The following TLR5 variants were observed in gnomAD, a reference collection of about 807,000 sequenced individuals.
TLR5 encodes toll like receptor 5.
For synonymous variants in TLR5, 373 were observed against 384.4 expected, an observed-to-expected ratio of 0.97 and a Z score of 0.35; for missense variants, 944 against 999.8, an observed-to-expected ratio of 0.94 and a Z score of 0.75.
chr1:223,133,115 G>A (rs1191868326), intron 4 of TLR5, among the ~76,000 whole-genome samples: 1 of 152,174 alleles, frequency 6.6e-6, no homozygotes, highest in Non-Finnish European at 1.5e-5. Context: ...TTATGGCTGT[G>A]TTAGAAGACA....
At chr1:223,133,442 A>C (rs1260919367) in intron 4 of TLR5, among the ~76,000 whole-genome samples, 3 of 152,176 alleles carry the variant, frequency 2.0e-5, no homozygotes, top group African/African-American at 4.8e-5. Context: ...GCTGTGGCTG[A>C]AGGACCTGAG....
intron 2 of TLR5, among the ~76,000 whole-genome samples, chr1:223,140,770 C>T (rs563475679): frequency 2.0e-5 from 3 of 152,188 alleles, no homozygotes; most frequent in Admixed American, 2.0e-4. Context: ...AGCTGAACAC[C>T]AGCTGGCTCT....
chr1:223,135,960 T>C (rs985715061), intron 3 of TLR5, among the ~76,000 whole-genome samples: 2 of 152,180 alleles, frequency 1.3e-5, no homozygotes, highest in East Asian at 3.9e-4. Flanking sequence ...TAGGCTCACC[T>C]CCACCTCTGT....
chr1:223,110,366 C>G lies in TLR5; in HGVS notation c.*89G>C. On this transcript the variant is annotated 3_prime_UTR_variant, in exon 6 of 6. Transcript: ENST00000642603. ...AGTAGCAAAAAGAAAAAAAAAACCT[C>G]CAGAGAGGACCCCAAAATGATAACT... 3 of 1,443,064 alleles carry G rather than the reference C, an allele frequency of 2.1e-6. No homozygotes were observed. The highest frequency in any genetic ancestry group is 2.4e-5 in the South Asian group (2 of 83,656). The allele number at this position is 1,443,064 out of a possible 1,614,324, so 89.4% of individuals were successfully genotyped here. A position where few individuals can be genotyped will look rare whatever the true frequency, so the allele number is the denominator to read the frequency against.
At chr1:223,125,630 G>T (rs1162241570) in intron 5 of TLR5, among the ~76,000 whole-genome samples, 1 of 151,756 alleles carries the variant, frequency 6.6e-6, no homozygotes, top group African/African-American at 2.4e-5. Flanking sequence ...GTGGCGGTGG[G>T]GGTTGTGGTG....
chr1:223,121,376 T>C (rs1204662371), intron 5 of TLR5, among the ~76,000 whole-genome samples: 4 of 152,320 alleles, frequency 2.6e-5, no homozygotes, highest in Non-Finnish European at 5.9e-5. Context: ...CAAATATTTG[T>C]TATAAAACAG....
rs553801406 is a variant in TLR5, at chr1:223,112,633, A to T, written c.399T>A (p.Asp133Glu). ...TGAAATAACCATCTTTCAATACAGC[A>T]TCAGAGAGACCACAGAAATACAGTC... Reference protein sequence around the residue: ...ELRLYFCGLSDAVLKDGYFRN... With the variant: ...ELRLYFCGLSEAVLKDGYFRN... Residue 133 changes from aspartate to glutamate, a missense_variant, in exon 6 of 6, where the codon GAT (aspartate) becomes GAA (glutamate). Transcript: ENST00000642603. 6.2e-7 allele frequency: 1 copy of T among 1,614,246 alleles called. No individual in the cohort carries two copies. Among genetic ancestry groups the T allele is most frequent in the East Asian group, 2.2e-5 (1 of 44,894 alleles).
In TLR5 at chr1:223,112,429, A is replaced by G. The variant is rs141971532; in HGVS notation, c.603T>C (p.Phe201=). 8.5e-5 allele frequency: 138 copies of G among 1,614,240 alleles called. No individual in the cohort carries two copies. In the African/African-American group the frequency reaches 1.6e-3, roughly 18 times the overall value. The stretch of plus-strand genomic sequence containing the variant: ...TATACAAGCTATTAGCTGCGAGGCT[A>G]AAAAAGGAGAGCGTTTTCCCTTGTA... ...EPLQGKTLSF[F]SLAANSLYSR... Residue 201 remains phenylalanine (F), a synonymous_variant, in exon 6 of 6, where the codon TTT becomes TTC. Coordinates refer to ENST00000642603, the MANE Select transcript of TLR5 (RefSeq NM_003268.6).
At chr1:223,117,615 T>C (rs1287187979) in intron 5 of TLR5, among the ~76,000 whole-genome samples, 1 of 151,306 alleles carries the variant, frequency 6.6e-6, no homozygotes, top group Non-Finnish European at 1.5e-5. Context: ...AAGAGTATGT[T>C]GAATGAACAA....
Position 223,109,898 on chromosome 1 carries a change from G to C in TLR5, c.*557C>G, listed in dbSNP as rs1656234768. On this transcript the variant is annotated 3_prime_UTR_variant, in exon 6 of 6. Transcript: ENST00000642603. ...AACATGAAGTGCAGTACAGTCACAA[G>C]ACAGGTAGTGACTCATTCATCCCAG... 1 of 164,628 alleles carries C rather than the reference G, an allele frequency of 6.1e-6. No individual in the cohort carries two copies. The allele number at this position is 164,628 out of a possible 1,614,324, so 10.2% of individuals were successfully genotyped here. A position where few individuals can be genotyped will look rare whatever the true frequency, so the allele number is the denominator to read the frequency against.
rs1446840615 is a variant in TLR5, at chr1:223,131,211, C to T, written c.-5+1264G>A. 2.0e-5 allele frequency among the ~76,000 whole-genome samples: 3 copies of T among 152,208 alleles called. No individual in the cohort carries two copies. The highest frequency in any genetic ancestry group is 7.2e-5 in the African/African-American group (3 of 41,456). On this transcript the variant is annotated intron_variant, in intron 5 of 5. Transcript: ENST00000642603. The surrounding 1 kb of genome is among the most constrained non-coding windows in gnomAD (Gnocchi z 4.2). The stretch of plus-strand genomic sequence containing the variant: ...ATATCACTCAAACTCTTCAGGATGA[C>T]CTCAGGGTCCCCACCACAGACTCTA...
intron 5 of TLR5, among the ~76,000 whole-genome samples, chr1:223,118,907 G>A (rs758361067): frequency 2.0e-5 from 3 of 151,554 alleles, no homozygotes; most frequent in African/African-American, 2.4e-5. Flanking sequence ...GGTTTGAGAC[G>A]AGCCTGGCCA....
chr1:223,111,846 G>A lies in TLR5; in HGVS notation c.1186C>T (p.Leu396Phe). The A allele has an allele frequency of 6.2e-7, 1 of 1,613,924 alleles. No individual in the cohort carries two copies. Among genetic ancestry groups the A allele is most frequent in the Non-Finnish European group, 8.5e-7 (1 of 1,179,860 alleles). ...LQTLDLRDNALTTIHFIPSIP... is the reference protein window; with the variant it reads ...LQTLDLRDNAFTTIHFIPSIP... ...CTTGGAATAAAATGAATGGTTGTAA[G>A]AGCATTGTCTCGGAGATCCAAGGTC... Residue 396 changes from leucine (L) to phenylalanine (F), a missense_variant, in exon 6 of 6, where the codon CTT becomes TTT. Transcript: ENST00000642603.
intron 5 of TLR5, among the ~76,000 whole-genome samples, chr1:223,132,273 G>A (rs542831398): frequency 6.6e-6 from 1 of 152,244 alleles, no homozygotes; most frequent in African/African-American, 2.4e-5. Context: ...TGAGGCAGGA[G>A]GATCATTAAG....
Position 223,114,238 on chromosome 1 carries a change from A to G in TLR5, c.-4-1203T>C, listed in dbSNP as rs148905268. Among the ~76,000 whole-genome samples, 36 of 152,318 alleles carry G rather than the reference A, an allele frequency of 2.4e-4. No homozygotes were observed. In the East Asian group the frequency reaches 3.9e-3, roughly 16 times the overall value. On this transcript the variant is annotated intron_variant, in intron 5 of 5. Coordinates refer to ENST00000642603, the MANE Select transcript of TLR5 (RefSeq NM_003268.6). ...ATGGGTGCAGCAGAAATGGTGCTCA[A>G]TGAACGTGTCTGGCTTATGTTCCAA...
At chr1:223,119,713 AC>A (rs1251911370) in intron 5 of TLR5, among the ~76,000 whole-genome samples, 1 of 151,920 alleles carries the variant, frequency 6.6e-6, no homozygotes, top group East Asian at 1.9e-4. Flanking sequence ...TAATCCCAGC[AC>A]TTTGGGAGGC....
At chr1:223,113,338 T>C (rs1486173919) in intron 5 of TLR5, among the ~76,000 whole-genome samples, 3 of 152,140 alleles carry the variant, frequency 2.0e-5, no homozygotes, top group East Asian at 3.9e-4. Flanking sequence ...CCTGATTAGC[T>C]GGAACTACAG....
Position 223,112,409 on chromosome 1 carries a change from A to G in TLR5, c.623T>C (p.Leu208Ser). The G allele has an allele frequency of 6.2e-7, 1 of 1,614,240 alleles. No homozygotes were observed. Among genetic ancestry groups the G allele is most frequent in the Non-Finnish European group, 8.5e-7 (1 of 1,180,052 alleles). ...LSFFSLAANS[L>S]YSRVSVDWGK... ...CCAGTCCACTGAGACTCTGCTATAC[A>G]AGCTATTAGCTGCGAGGCTAAAAAA... Residue 208 changes from leucine to serine, a missense_variant, in exon 6 of 6, where the codon TTG becomes TCG. Transcript: ENST00000642603.
At chr1:223,122,552 T>C (rs966900510) in intron 5 of TLR5, among the ~76,000 whole-genome samples, 1 of 152,168 alleles carries the variant, frequency 6.6e-6, no homozygotes. Flanking sequence ...ACCATATTTG[T>C]ATTGGGTTCC....
Sources: allele counts gnomAD v4.1 joint callset (sites outside exome capture counted in the v4.1 genomes callset), GRCh38; gene constraint gnomAD v4.1.1; non-coding constraint Gnocchi (gnomAD v3.1); transcripts MANE v1.5; gene names NCBI Gene and HGNC (gene_info 2026-07-23, HGNC 2026-07-21).